Variants in NUDCD3 observed in about 807,000 individuals in gnomAD.
The protein encoded by NUDCD3 is nudC domain-containing protein 3.
A neutral mutation model predicts 39.7 loss-of-function variants in NUDCD3; 13 were observed. The observed-to-expected ratio is 0.33, with a 90% confidence interval of 0.21 to 0.52. The LOEUF is 0.52. Among genes scored for constraint, NUDCD3 ranks in the 20% least tolerant of loss-of-function variants. The probability of loss-of-function intolerance (pLI) is 0.96; values close to 1 mark genes in which losing one functional copy is unlikely to be tolerated. For synonymous variants in NUDCD3, 175 were observed against 172.4 expected (o/e 1.02, Z -0.12); for missense variants, 453 against 458.1 (o/e 0.99, Z 0.10).
At chr7:44,488,642 G>C (rs1442236294) in intron 1 of NUDCD3, among the ~76,000 whole-genome samples, 1 of 152,152 alleles carries the variant, frequency 6.6e-6, no homozygotes, top group Admixed American at 6.6e-5. Context: ...GTCTAAAACT[G>C]AACTTTTTCC....
At chr7:44,478,095 C>T (rs757906675) in intron 2 of NUDCD3, among the ~76,000 whole-genome samples, 9 of 152,068 alleles carry the variant, frequency 5.9e-5, no homozygotes, top group Non-Finnish European at 8.8e-5. Flanking sequence ...CGGCCTCTAA[C>T]AGTGCTGAGA....
chr7:44,488,488 A>G (rs985701045), intron 1 of NUDCD3, among the ~76,000 whole-genome samples: 1 of 152,176 alleles, frequency 6.6e-6, no homozygotes, highest in South Asian at 2.1e-4. Flanking sequence ...CTCCACCAAG[A>G]TTATTCCCCA....
Position 44,490,213 on chromosome 7 carries a change from G to A in NUDCD3, c.192+196C>T, listed in dbSNP as rs547200070. 865 of 575,190 alleles carry A rather than the reference G, an allele frequency of 1.5e-3. 17 individuals carry two copies. The South Asian group carries it at 0.019, about 13-fold the overall frequency. The allele number at this position is 575,190 out of a possible 1,614,324, so 35.6% of individuals were successfully genotyped here. Reference sequence around the variant, plus strand: ...CTTACTACTTCTGAAACCTCAGGACGTCCGGAGCGAACACCTCAGCGGAAT... The same window carrying A: ...CTTACTACTTCTGAAACCTCAGGACATCCGGAGCGAACACCTCAGCGGAAT... On this transcript the variant is annotated intron_variant, in intron 1 of 5. Transcript: ENST00000355451.
At chr7:44,407,173 C>A (rs577867430) in intron 3 of NUDCD3, among the ~76,000 whole-genome samples, 16 of 151,300 alleles carry the variant, frequency 1.1e-4, no homozygotes, top group African/African-American at 3.9e-4. Flanking sequence ...ACTCAGCTGT[C>A]GGTGGTGGTG....
chr7:44,453,136 T>C (rs1203473910), intron 2 of NUDCD3, among the ~76,000 whole-genome samples: 2 of 152,128 alleles, frequency 1.3e-5, no homozygotes, highest in Non-Finnish European at 2.9e-5. Flanking sequence ...GCGGATCACC[T>C]GAGGTCAGGA....
Position 44,404,526 on chromosome 7 carries a change from C to T in NUDCD3, c.700G>A (p.Glu234Lys). Reference sequence around the variant, plus strand: ...AGCTTCCCTTCCATGAGGACGCGCTCCCCATTTTCCTCCAGCATGGCCACA... The same window carrying T: ...AGCTTCCCTTCCATGAGGACGCGCTTCCCATTTTCCTCCAGCATGGCCACA... ...IRVAMLEENGERVLMEGKLTH... is the reference protein window; with the variant it reads ...IRVAMLEENGKRVLMEGKLTH... Residue 234 changes from glutamate (E) to lysine (K), a missense_variant, in exon 4 of 6, where the codon GAG becomes AAG. By Grantham distance (56) the Glu-to-Lys change is moderately conservative. Transcript: ENST00000355451. 6.2e-7 allele frequency: 1 copy of T among 1,614,026 alleles called. No homozygotes were observed. The highest frequency in any genetic ancestry group is 8.5e-7 in the Non-Finnish European group (1 of 1,179,992).
chr7:44,441,751 G>A (rs745499244), intron 2 of NUDCD3, among the ~76,000 whole-genome samples: 1 of 152,128 alleles, frequency 6.6e-6, no homozygotes, highest in African/African-American at 2.4e-5. Context: ...TGGGAACAAC[G>A]TGGGACTTAC....
chr7:44,426,050 G>GC (rs1287226193), intron 3 of NUDCD3: 2 of 820,208 alleles, frequency 2.4e-6, no homozygotes, highest in East Asian at 2.5e-4. Flanking sequence ...CCATGGAAGA[G>GC]CCCCACAGCA....
intron 3 of NUDCD3, among the ~76,000 whole-genome samples, chr7:44,409,682 C>T (rs1478575459): frequency 6.6e-6 from 1 of 151,880 alleles, no homozygotes; most frequent in Non-Finnish European, 1.5e-5. Context: ...TAGCAGAAAA[C>T]AGTCTCTAAA....
chr7:44,408,431 T>A (rs1210240112), intron 3 of NUDCD3, among the ~76,000 whole-genome samples: 1 of 152,160 alleles, frequency 6.6e-6, no homozygotes, highest in African/African-American at 2.4e-5. Context: ...TAGACAATAC[T>A]CAGTATTAAT....
At chr7:44,422,051 T>A (rs1799150446) in intron 3 of NUDCD3, among the ~76,000 whole-genome samples, 1 of 152,030 alleles carries the variant, frequency 6.6e-6, no homozygotes, top group Admixed American at 6.5e-5. Context: ...GGGTAAATAA[T>A]GAAATTAAGG....
chr7:44,481,778 C>G lies in NUDCD3; in HGVS notation c.509+3190G>C, dbSNP rs575678788. ...GAATGTTTGTGTCCCAAAATTCCTACGGTAAATCTTAATCCCAAGATATTG... is the reference window on the plus strand; with the variant it reads ...GAATGTTTGTGTCCCAAAATTCCTAGGGTAAATCTTAATCCCAAGATATTG... On this transcript the variant is annotated intron_variant, in intron 2 of 5. Transcript: ENST00000355451. 3.9e-5 allele frequency among the ~76,000 whole-genome samples: 6 copies of G among 152,312 alleles called. No individual in the cohort carries two copies. The South Asian group carries it at 1.2e-3, about 32-fold the overall frequency.
At chr7:44,439,864 A>G (rs950379380) in intron 2 of NUDCD3, among the ~76,000 whole-genome samples, 1 of 151,848 alleles carries the variant, frequency 6.6e-6, no homozygotes, top group Non-Finnish European at 1.5e-5. Flanking sequence ...CCATTAAAAC[A>G]TAATTGCCAA....
chr7:44,447,887 A>G (rs2116930714), intron 2 of NUDCD3, among the ~76,000 whole-genome samples: 1 of 152,300 alleles, frequency 6.6e-6, no homozygotes, highest in South Asian at 2.1e-4. Context: ...ACAGGATTGC[A>G]CACAGAATTG....
intron 4 of NUDCD3, among the ~76,000 whole-genome samples, chr7:44,392,872 G>T (rs1425084758): frequency 1.3e-5 from 2 of 152,056 alleles, no homozygotes; most frequent in African/African-American, 4.8e-5. Flanking sequence ...ACCAGGACCT[G>T]TCCTGGGCCA....
At chr7:44,439,113 T>TGA (rs1799527455) in intron 2 of NUDCD3, among the ~76,000 whole-genome samples, 1 of 151,988 alleles carries the variant, frequency 6.6e-6, no homozygotes, top group Non-Finnish European at 1.5e-5. Flanking sequence ...CACTGAGCAG[T>TGA]GAGAGCGGGT....
intron 2 of NUDCD3, among the ~76,000 whole-genome samples, chr7:44,476,713 C>A (rs968045708): frequency 6.6e-6 from 1 of 152,140 alleles, no homozygotes; most frequent in African/African-American, 2.4e-5. Context: ...TCGGCATGCA[C>A]TGGGGGGGTC....
intron 2 of NUDCD3, among the ~76,000 whole-genome samples, chr7:44,463,147 A>G (rs1250168481): frequency 6.6e-6 from 1 of 152,186 alleles, no homozygotes; most frequent in Non-Finnish European, 1.5e-5. Flanking sequence ...GGAGGCAGAG[A>G]TGCCCAGAAA....
intron 2 of NUDCD3, among the ~76,000 whole-genome samples, chr7:44,445,961 T>C (rs776632131): frequency 5.3e-5 from 8 of 152,220 alleles, no homozygotes; most frequent in Non-Finnish European, 1.0e-4. Flanking sequence ...AGCCTCCGCT[T>C]TGCTCATCAG....
Sources: gnomAD v4.1 joint callset for allele counts (sites outside exome capture counted in the v4.1 genomes callset) on GRCh38, gnomAD v4.1.1 for gene constraint, MANE v1.5 for transcripts, NCBI Gene and HGNC (gene_info 2026-07-23, HGNC 2026-07-21) for gene names.